The following CXCL13 variants were observed in gnomAD, a reference collection of about 807,000 sequenced individuals.
The protein encoded by CXCL13 is C-X-C motif chemokine 13.
Under a neutral mutation model 12.2 loss-of-function variants are expected in CXCL13, and 7 were observed. The ratio of observed to expected loss-of-function variants is 0.57; its 90% CI spans 0.33 to 1.07. The LOEUF (loss-of-function observed/expected upper bound fraction) is 1.07, where lower values mean the gene tolerates loss of function less well. CXCL13 is among the 50% of genes least tolerant of loss of function. The pLI is 0.04. For synonymous variants in CXCL13, 47 were observed against 42.4 expected (o/e 1.11, Z -0.42); for missense variants, 113 against 127.4 (o/e 0.89, Z 0.55).
In CXCL13 at chr4:77,553,166, G is replaced by A. The variant is rs186691224; in HGVS notation, c.-43+41378G>A. Among the ~76,000 whole-genome samples the A allele has an allele frequency of 3.3e-3, 500 of 152,284 alleles. 3 individuals carry two copies. The highest frequency in any genetic ancestry group is 9.9e-3 in the African/African-American group (411 of 41,554). On this transcript the variant is annotated intron_variant, in intron 1 of 4. Transcript: ENST00000286758. ...CCAGCTGGCCCTAGCTGTAAGATTC[G>A]TTGTCTGAGAGAAACTATAGCTGTA...
intron 1 of CXCL13, among the ~76,000 whole-genome samples, chr4:77,544,528 G>A (rs139139947): frequency 1.7e-3 from 254 of 152,270 alleles, no homozygotes; most frequent in South Asian, 9.3e-3. Flanking sequence ...GTGTCTGTAG[G>A]CTGCATAAAT....
chr4:77,586,714 T>C (rs1335082777), intron 1 of CXCL13, among the ~76,000 whole-genome samples: 1 of 152,186 alleles, frequency 6.6e-6, no homozygotes, highest in Non-Finnish European at 1.5e-5. Flanking sequence ...GTGGAATAAC[T>C]CATTTTTCCA....
At chr4:77,609,878 C>A (rs1397240060) in intron 2 of CXCL13, among the ~76,000 whole-genome samples, 1 of 152,196 alleles carries the variant, frequency 6.6e-6, no homozygotes, top group Non-Finnish European at 1.5e-5. Flanking sequence ...CAATCTTGAA[C>A]AAGTTATTTA....
chr4:77,513,751 CT>C (rs1222971331), intron 1 of CXCL13, among the ~76,000 whole-genome samples: 1 of 151,984 alleles, frequency 6.6e-6, no homozygotes, highest in African/African-American at 2.4e-5. Flanking sequence ...CACACCTGGC[CT>C]GTTTCCTGAC....
At chr4:77,575,088 T>A (rs891539509) in intron 1 of CXCL13, among the ~76,000 whole-genome samples, 6 of 151,850 alleles carry the variant, frequency 4.0e-5, no homozygotes, top group Non-Finnish European at 7.4e-5. Context: ...ATTCAAAAGG[T>A]TATTGTATAG....
At chr4:77,582,042 C>T (rs1257570043) in intron 1 of CXCL13, among the ~76,000 whole-genome samples, 3 of 151,884 alleles carry the variant, frequency 2.0e-5, no homozygotes, top group Admixed American at 2.0e-4. Flanking sequence ...CTTTTTTCGG[C>T]CTGGAAAACA....
chr4:77,525,250 C>A (rs145042057), intron 1 of CXCL13, among the ~76,000 whole-genome samples: 6 of 152,184 alleles, frequency 3.9e-5, no homozygotes, highest in Non-Finnish European at 7.3e-5. Flanking sequence ...CAGAGCACAC[C>A]GACTGACTGT....
At chr4:77,543,814 T>C (rs906356517) in intron 1 of CXCL13, among the ~76,000 whole-genome samples, 1 of 152,156 alleles carries the variant, frequency 6.6e-6, no homozygotes, top group African/African-American at 2.4e-5. Flanking sequence ...TTGTTACATA[T>C]GTATACATGT....
chr4:77,558,763 A>G (rs923500892), intron 1 of CXCL13, among the ~76,000 whole-genome samples: 1 of 152,140 alleles, frequency 6.6e-6, no homozygotes, highest in African/African-American at 2.4e-5. Flanking sequence ...TACTCAACAA[A>G]GGCCCTGACC....
intron 1 of CXCL13, among the ~76,000 whole-genome samples, chr4:77,513,845 T>C (rs1256265223): frequency 2.6e-5 from 4 of 151,590 alleles, no homozygotes; most frequent in Non-Finnish European, 5.9e-5. Context: ...AGGGTACATG[T>C]GCACAATGTG....
chr4:77,603,797 T>A (rs763632837), upstream of CXCL13, among the ~76,000 whole-genome samples: 1 of 130,830 alleles, frequency 7.6e-6, no homozygotes, highest in Non-Finnish European at 1.8e-5. Context: ...GATTAGATAG[T>A]CAGACAGACA....
At chr4:77,578,719 T>C (rs1198655352) in intron 1 of CXCL13, among the ~76,000 whole-genome samples, 2 of 152,176 alleles carry the variant, frequency 1.3e-5, no homozygotes, top group African/African-American at 4.8e-5. Flanking sequence ...CCCTTCAATG[T>C]GTCCATGTGC....
At chr4:77,564,923 C>A (rs886377711) in intron 1 of CXCL13, among the ~76,000 whole-genome samples, 5 of 152,168 alleles carry the variant, frequency 3.3e-5, no homozygotes, top group Non-Finnish European at 5.9e-5. Context: ...TGGGGGCAAC[C>A]AAACATAAAC....
At chr4:77,526,847 A>T (rs1266430358) in intron 1 of CXCL13, among the ~76,000 whole-genome samples, 2 of 152,172 alleles carry the variant, frequency 1.3e-5, no homozygotes, top group Admixed American at 1.3e-4. Context: ...CCCAAAGCCA[A>T]GAAGGGCCAG....
intron 1 of CXCL13, among the ~76,000 whole-genome samples, chr4:77,538,471 G>A (rs544328598): frequency 7.0e-6 from 1 of 142,780 alleles, no homozygotes; most frequent in Admixed American, 7.3e-5. Context: ...CAGGAAAGAA[G>A]AAATCAGAAA....
intron 1 of CXCL13, among the ~76,000 whole-genome samples, chr4:77,587,555 C>A (rs1394091120): frequency 1.3e-5 from 2 of 152,160 alleles, no homozygotes; most frequent in Non-Finnish European, 2.9e-5. Flanking sequence ...GGATCCTTCA[C>A]AAAAACTGAT....
chr4:77,555,180 C>G (rs1322447429), intron 1 of CXCL13, among the ~76,000 whole-genome samples: 1 of 151,068 alleles, frequency 6.6e-6, no homozygotes, highest in Non-Finnish European at 1.5e-5. Flanking sequence ...TCTAATTAGA[C>G]CAAGAAAAAA....
At chr4:77,590,635 A>G (rs1355495214) in intron 1 of CXCL13, among the ~76,000 whole-genome samples, 1 of 152,156 alleles carries the variant, frequency 6.6e-6, no homozygotes, top group East Asian at 1.9e-4. Flanking sequence ...TAGTCAACAC[A>G]ATGTCCATTG....
intron 1 of CXCL13, among the ~76,000 whole-genome samples, chr4:77,537,108 A>G (rs1268575990): frequency 6.6e-6 from 1 of 152,228 alleles, no homozygotes; most frequent in Admixed American, 6.5e-5. Flanking sequence ...AAATTGTGTT[A>G]TGAAGAGTTT....
Sources: gnomAD v4.1 joint callset for allele counts (sites outside exome capture counted in the v4.1 genomes callset) on GRCh38, gnomAD v4.1.1 for gene constraint, MANE v1.5 for transcripts, NCBI Gene and HGNC (gene_info 2026-07-23, HGNC 2026-07-21) for gene names.